Variants in SPECC1 observed in about 807,000 individuals in gnomAD.
The protein encoded by SPECC1 is sperm antigen with calponin homology and coiled-coil domains 1, also known as cytospin-B.
Under a neutral mutation model 104.1 loss-of-function variants are expected in SPECC1, and 62 were observed. The ratio of observed to expected loss-of-function variants is 0.60; its 90% CI spans 0.49 to 0.74. SPECC1 has a LOEUF of 0.74. Ranked by LOEUF, SPECC1 falls within the 30% of genes least tolerant of loss-of-function variation. The pLI is 0.00. For synonymous variants in SPECC1, 513 were observed against 501.6 expected (o/e 1.02, Z -0.30); for missense variants, 1,306 against 1,310.5 (o/e 1.00, Z 0.05).
At chr17:20,047,922 C>T (rs1031869857) in intron 1 of SPECC1, among the ~76,000 whole-genome samples, 2 of 152,110 alleles carry the variant, frequency 1.3e-5, no homozygotes, top group Non-Finnish European at 2.9e-5. Context: ...TCCGCTTTCA[C>T]TGACTTCTTC....
At chr17:20,092,880 G>A (rs907754159) in intron 1 of SPECC1, among the ~76,000 whole-genome samples, 2 of 152,184 alleles carry the variant, frequency 1.3e-5, no homozygotes, top group African/African-American at 4.8e-5. Context: ...TTTGGACCAG[G>A]TGCATTTGAT....
intron 1 of SPECC1, among the ~76,000 whole-genome samples, chr17:20,079,582 G>T (rs2046888351): frequency 6.6e-6 from 1 of 152,160 alleles, no homozygotes; most frequent in Admixed American, 6.5e-5. Context: ...GAACCACTGT[G>T]CCTGGCCTCT....
chr17:20,110,013 A>G (rs1381819683), intron 2 of SPECC1, among the ~76,000 whole-genome samples: 2 of 151,954 alleles, frequency 1.3e-5, no homozygotes, highest in African/African-American at 4.8e-5. Context: ...TAATTAAAAA[A>G]AAATATTAGC....
intron 7 of SPECC1, among the ~76,000 whole-genome samples, chr17:20,235,864 C>T (rs1160453365): frequency 7.7e-6 from 1 of 130,276 alleles, no homozygotes; most frequent in Non-Finnish European, 1.7e-5. Context: ...CAAGTTCTTG[C>T]ATTGTCCCCT....
At chr17:20,162,459 T>C (rs1294506306) in intron 3 of SPECC1, among the ~76,000 whole-genome samples, 4 of 152,196 alleles carry the variant, frequency 2.6e-5, no homozygotes, top group Admixed American at 1.3e-4. Context: ...GCAAATAATT[T>C]TTCCTCGAGC....
At chr17:20,282,624 C>A (rs1321189347) in intron 12 of SPECC1, among the ~76,000 whole-genome samples, 1 of 152,040 alleles carries the variant, frequency 6.6e-6, no homozygotes, top group Non-Finnish European at 1.5e-5. Context: ...GGTTGCCCTG[C>A]CTGACTGGAA....
chr17:20,165,206 C>G (rs2033544206), intron 3 of SPECC1, among the ~76,000 whole-genome samples: 1 of 139,488 alleles, frequency 7.2e-6, no homozygotes, highest in Admixed American at 6.9e-5. Context: ...CCTACTACCC[C>G]CGCCCTGACA....
chr17:20,161,074 G>T (rs1316903635), intron 3 of SPECC1, among the ~76,000 whole-genome samples: 1 of 152,126 alleles, frequency 6.6e-6, no homozygotes, highest in African/African-American at 2.4e-5. Flanking sequence ...AGTCGAGTGC[G>T]GTGGTGGGCA....
intron 3 of SPECC1, among the ~76,000 whole-genome samples, chr17:20,165,073 T>G (rs1174667675): frequency 6.6e-6 from 1 of 152,214 alleles, no homozygotes; most frequent in Admixed American, 6.5e-5. Context: ...AGGATACACG[T>G]GCATGACATG....
At chr17:20,028,240 A>C (rs1234546427) in intron 1 of SPECC1, among the ~76,000 whole-genome samples, 1 of 146,892 alleles carries the variant, frequency 6.8e-6, no homozygotes, top group African/African-American at 2.6e-5. Flanking sequence ...TAATCGCAGC[A>C]CTTTAGTGTG....
At chr17:20,073,139 A>T (rs897309703) in intron 1 of SPECC1, among the ~76,000 whole-genome samples, 1 of 152,092 alleles carries the variant, frequency 6.6e-6, no homozygotes, top group Non-Finnish European at 1.5e-5. Context: ...TACCTTTGAG[A>T]TCCCTTTAGT....
chr17:20,226,725 TTTCTGC>T (rs2038230880), intron 4 of SPECC1, among the ~76,000 whole-genome samples: 1 of 152,226 alleles, frequency 6.6e-6, no homozygotes, highest in Admixed American at 6.5e-5. Flanking sequence ...CCGTGCCACT[TTTCTGC>T]TTCTGTGTAT....
chr17:20,217,678 A>G (rs1344992612), intron 4 of SPECC1, among the ~76,000 whole-genome samples: 4 of 152,144 alleles, frequency 2.6e-5, no homozygotes, highest in Non-Finnish European at 1.5e-5. Flanking sequence ...CTCAAAAGCC[A>G]CCTTCTATTG....
chr17:20,103,260 G>A (rs1449849976), intron 2 of SPECC1, among the ~76,000 whole-genome samples: 2 of 152,034 alleles, frequency 1.3e-5, no homozygotes, highest in Non-Finnish European at 2.9e-5. Flanking sequence ...GAGAAAAACT[G>A]AATCATGGCC....
At chr17:20,266,834 T>C (rs972899757) in intron 12 of SPECC1, among the ~76,000 whole-genome samples, 3 of 152,184 alleles carry the variant, frequency 2.0e-5, no homozygotes, top group African/African-American at 4.8e-5. Context: ...GAGCACTTGC[T>C]CCCCTCTCTT....
chr17:20,112,682 G>A, intron 3 of SPECC1: 6 of 1,064,794 alleles, frequency 5.6e-6, no homozygotes, highest in Admixed American at 1.7e-5. Flanking sequence ...TGTAGAAGGA[G>A]CATCCCTGAA....
intron 3 of SPECC1, among the ~76,000 whole-genome samples, chr17:20,165,732 G>A (rs776717627): frequency 4.6e-5 from 7 of 152,082 alleles, no homozygotes; most frequent in South Asian, 4.1e-4. Context: ...TTTGATAATC[G>A]TCATTCTGAC....
Position 20,307,839 on chromosome 17 carries a change from T to G in SPECC1, c.3117+1757T>G, listed in dbSNP as rs949544988. Among the ~76,000 whole-genome samples the G allele has an allele frequency of 3.3e-5, 5 of 152,234 alleles. No individual in the cohort carries two copies. The South Asian group carries it at 6.2e-4, about 19-fold the overall frequency. On this transcript the variant is annotated intron_variant, in intron 14 of 14. Transcript: ENST00000395527. Reference sequence around the variant, plus strand: ...AAGGATAATGAAAGAGTCCACAGATTCTTTATTTATCTCAAGCAGGATGAA... The same window carrying G: ...AAGGATAATGAAAGAGTCCACAGATGCTTTATTTATCTCAAGCAGGATGAA...
chr17:20,035,341 A>G (rs931682688), intron 1 of SPECC1, among the ~76,000 whole-genome samples: 7 of 152,174 alleles, frequency 4.6e-5, no homozygotes, highest in Non-Finnish European at 1.0e-4. Context: ...GGATTTTGGT[A>G]GTAATAATGT....
Sources: allele counts gnomAD v4.1 joint callset (sites outside exome capture counted in the v4.1 genomes callset), GRCh38; gene constraint gnomAD v4.1.1; transcripts MANE v1.5; gene names NCBI Gene and HGNC (gene_info 2026-07-23, HGNC 2026-07-21).